Variants in ADAMTS12 observed in about 807,000 individuals in gnomAD.
The protein encoded by ADAMTS12 is ADAM metallopeptidase with thrombospondin type 1 motif 12, also known as A disintegrin and metalloproteinase with thrombospondin motifs 12.
A neutral mutation model predicts 167.8 loss-of-function variants in ADAMTS12; 118 were observed. The observed-to-expected ratio is 0.70, with a 90% CI of 0.61 to 0.82. The LOEUF is 0.82. ADAMTS12 is among the 40% of genes least tolerant of loss of function. ADAMTS12 has a pLI of 0.00. For missense variants in ADAMTS12, 1,916 were observed against 1,998.8 expected (o/e 0.96, Z 0.79); for synonymous variants, 704 against 716.9 (o/e 0.98, Z 0.29).
chr5:33,725,055 G>C (rs1037259848), intron 3 of ADAMTS12, among the ~76,000 whole-genome samples: 1 of 152,036 alleles, frequency 6.6e-6, no homozygotes, highest in Non-Finnish European at 1.5e-5. Context: ...ACTAAGGCTC[G>C]CTTGTTGCCA....
chr5:33,714,307 T>A (rs1200406125), intron 3 of ADAMTS12, among the ~76,000 whole-genome samples: 1 of 152,032 alleles, frequency 6.6e-6, no homozygotes, highest in African/African-American at 2.4e-5. Context: ...GAAAAGGAAC[T>A]CTCAAACACT....
intron 3 of ADAMTS12, among the ~76,000 whole-genome samples, chr5:33,688,730 A>G (rs10472883): frequency 0.22 from 34,198 of 152,120 alleles, 4,027 homozygotes; most frequent in East Asian, 0.42. Context: ...GCTTTTTAAC[A>G]TGCCAGTAGT....
intron 13 of ADAMTS12, among the ~76,000 whole-genome samples, chr5:33,628,312 C>T (rs1376142156): frequency 1.3e-5 from 2 of 151,978 alleles, no homozygotes; most frequent in African/African-American, 2.4e-5. Flanking sequence ...GTGAGTAGGG[C>T]ATTTGCTCAT....
chr5:33,569,185 G>C (rs1342570190), intron 19 of ADAMTS12, among the ~76,000 whole-genome samples: 1 of 152,240 alleles, frequency 6.6e-6, no homozygotes, highest in Non-Finnish European at 1.5e-5. Context: ...CAAACAAAAA[G>C]ATAGCAGTAA....
intron 3 of ADAMTS12, among the ~76,000 whole-genome samples, chr5:33,687,831 A>G (rs1002390831): frequency 6.6e-6 from 1 of 152,122 alleles, no homozygotes; most frequent in Non-Finnish European, 1.5e-5. Flanking sequence ...AGCCCTACAC[A>G]TTTATCTCTA....
At chr5:33,805,845 G>C (rs1344045378) in intron 2 of ADAMTS12, among the ~76,000 whole-genome samples, 1 of 151,456 alleles carries the variant, frequency 6.6e-6, no homozygotes, top group African/African-American at 2.4e-5. Flanking sequence ...CTGTGATTGT[G>C]CCATTGCACT....
chr5:33,690,960 GATA>G (rs1242574328), intron 3 of ADAMTS12, among the ~76,000 whole-genome samples: 2 of 152,126 alleles, frequency 1.3e-5, no homozygotes, highest in Non-Finnish European at 2.9e-5. Context: ...CAACCGAGTG[GATA>G]ATGAGTCCCA....
intron 20 of ADAMTS12, among the ~76,000 whole-genome samples, chr5:33,550,175 A>G (rs966632364): frequency 1.3e-5 from 2 of 152,150 alleles, no homozygotes; most frequent in Admixed American, 6.5e-5. Context: ...CGTGATAAAC[A>G]CTGATGGGTC....
chr5:33,592,318 T>C (rs1253429544), intron 17 of ADAMTS12, among the ~76,000 whole-genome samples: 2 of 152,090 alleles, frequency 1.3e-5, no homozygotes, highest in African/African-American at 4.8e-5. Context: ...AGCAATAGCG[T>C]TGAGGTTGAG....
intron 2 of ADAMTS12, among the ~76,000 whole-genome samples, chr5:33,762,062 T>C (rs1173576883): frequency 6.6e-6 from 1 of 151,962 alleles, no homozygotes; most frequent in Non-Finnish European, 1.5e-5. Context: ...TGTCGTGGCA[T>C]GCGCCTGTAG....
At chr5:33,705,000 G>A (rs11958459) in intron 3 of ADAMTS12, among the ~76,000 whole-genome samples, 5,980 of 151,344 alleles carry the variant, frequency 0.04, 394 homozygotes, top group African/African-American at 0.14. Context: ...ATAGTGTGAG[G>A]TAAGGGTTCA....
chr5:33,831,395 T>G (rs930289427), intron 2 of ADAMTS12, among the ~76,000 whole-genome samples: 1 of 152,220 alleles, frequency 6.6e-6, no homozygotes, highest in Non-Finnish European at 1.5e-5. Context: ...TACTGTCTCT[T>G]AAAGGATGGT....
intron 2 of ADAMTS12, among the ~76,000 whole-genome samples, chr5:33,813,546 T>C (rs1405060400): frequency 6.6e-6 from 1 of 152,184 alleles, no homozygotes; most frequent in African/African-American, 2.4e-5. Flanking sequence ...ATCAGTAGAA[T>C]ACAGTAGAAA....
intron 18 of ADAMTS12, among the ~76,000 whole-genome samples, chr5:33,584,242 A>G (rs1747218907): frequency 6.6e-6 from 1 of 152,260 alleles, no homozygotes; most frequent in African/African-American, 2.4e-5. Flanking sequence ...ATAGATACAT[A>G]CATAATACAT....
intron 20 of ADAMTS12, among the ~76,000 whole-genome samples, chr5:33,550,066 G>A (rs1056866907): frequency 2.6e-5 from 4 of 152,020 alleles, no homozygotes; most frequent in Non-Finnish European, 2.9e-5. Context: ...ACTTGCCCCC[G>A]ATAGCCACTA....
intron 17 of ADAMTS12, among the ~76,000 whole-genome samples, chr5:33,591,871 G>T (rs1264044615): frequency 6.6e-6 from 1 of 151,982 alleles, no homozygotes; most frequent in Admixed American, 6.6e-5. Context: ...TAGAGTCCAG[G>T]GATACAGCTA....
intron 2 of ADAMTS12, among the ~76,000 whole-genome samples, chr5:33,839,582 G>A (rs901341598): frequency 2.8e-4 from 43 of 152,104 alleles, no homozygotes; most frequent in African/African-American, 9.2e-4. Context: ...TGAGGTCTGC[G>A]CTCCATGCTG....
At chr5:33,711,636 A>T (rs916114420) in intron 3 of ADAMTS12, among the ~76,000 whole-genome samples, 1 of 152,156 alleles carries the variant, frequency 6.6e-6, no homozygotes, top group Non-Finnish European at 1.5e-5. Context: ...CCAAAGAAGA[A>T]ATATGTACAA....
intron 2 of ADAMTS12, among the ~76,000 whole-genome samples, chr5:33,860,379 A>G (rs1469943957): frequency 6.6e-6 from 1 of 152,330 alleles, no homozygotes; most frequent in Non-Finnish European, 1.5e-5. Flanking sequence ...ACAAGTATCA[A>G]TAACCAAATC....
Sources: allele counts gnomAD v4.1 joint callset (sites outside exome capture counted in the v4.1 genomes callset), GRCh38; gene constraint gnomAD v4.1.1; transcripts MANE v1.5; gene names NCBI Gene and HGNC (gene_info 2026-07-23, HGNC 2026-07-21).